The following GALNT13 variants were observed in gnomAD, a reference collection of about 807,000 sequenced individuals.
The protein encoded by GALNT13 is UDP-GalNAc:polypeptide N-acetylgalactosaminyltransferase 13.
GALNT13 carries 28 observed loss-of-function variants against 64.2 expected under a neutral mutation model. That is an observed-to-expected ratio of 0.44 (90% CI 0.32 to 0.60). The LOEUF is 0.60. GALNT13 is among the 20% of genes least tolerant of loss of function. The pLI, the probability that GALNT13 is intolerant of heterozygous loss-of-function variation, is 0.05. For synonymous variants in GALNT13, 214 were observed against 224.6 expected, an observed-to-expected ratio of 0.95 and a Z score of 0.42; for missense variants, 577 against 669.8, an observed-to-expected ratio of 0.86 and a Z score of 1.53.
At chr2:154,347,571 C>G (rs1448858547) in intron 9 of GALNT13, among the ~76,000 whole-genome samples, 1 of 152,084 alleles carries the variant, frequency 6.6e-6, no homozygotes, top group East Asian at 1.9e-4. Context: ...TGTCTTTGCT[C>G]ATAATATTGG....
At chr2:153,286,684 A>C in the GALNT13 span, among the ~76,000 whole-genome samples, 2 of 152,250 alleles carry the variant, frequency 1.3e-5, no homozygotes, top group African/African-American at 4.8e-5. Flanking sequence ...AAAAGCTTCA[A>C]AAATCGTGTT....
chr2:153,683,426 A>G, the GALNT13 span, among the ~76,000 whole-genome samples: 9 of 57,826 alleles, frequency 1.6e-4, no homozygotes, highest in Admixed American at 2.1e-3. Flanking sequence ...TGGTTTGCAT[A>G]TACGTAAATG....
At chr2:153,851,733 C>T in the GALNT13 span, among the ~76,000 whole-genome samples, 1 of 151,988 alleles carries the variant, frequency 6.6e-6, no homozygotes, top group Non-Finnish European at 1.5e-5. Context: ...AAGGAATCTA[C>T]ATCTATACAA....
intron 3 of GALNT13, among the ~76,000 whole-genome samples, chr2:154,025,188 C>A (rs1232216859): frequency 1.3e-5 from 2 of 152,164 alleles, no homozygotes; most frequent in African/African-American, 4.8e-5. Flanking sequence ...TCTCAAGCTG[C>A]ATGCTGGGAG....
chr2:153,815,757 T>G, the GALNT13 span, among the ~76,000 whole-genome samples: 1 of 152,196 alleles, frequency 6.6e-6, no homozygotes, highest in African/African-American at 2.4e-5. Flanking sequence ...TGTCATAATA[T>G]CTTGAGGAAA....
the GALNT13 span, among the ~76,000 whole-genome samples, chr2:153,154,296 C>T: frequency 6.6e-6 from 1 of 152,158 alleles, no homozygotes; most frequent in Admixed American, 6.5e-5. Context: ...CACATGCTGT[C>T]TTGCCTGCCA....
At chr2:153,126,294 T>TATATATATA in the GALNT13 span, among the ~76,000 whole-genome samples, 1 of 50,956 alleles carries the variant, frequency 2.0e-5, no homozygotes, top group Non-Finnish European at 3.9e-5. Flanking sequence ...AGTATTGATT[T>TATATATATA]TGTATATATA....
At chr2:153,245,930 A>C in the GALNT13 span, among the ~76,000 whole-genome samples, 2 of 152,090 alleles carry the variant, frequency 1.3e-5, no homozygotes, top group Non-Finnish European at 2.9e-5. Context: ...GCTAACTAGA[A>C]TACACAGTTT....
chr2:153,553,169 G>A, the GALNT13 span, among the ~76,000 whole-genome samples: 1 of 152,188 alleles, frequency 6.6e-6, no homozygotes, highest in African/African-American at 2.4e-5. Flanking sequence ...GAGTGGATAT[G>A]TTTATTGGTA....
intron 4 of GALNT13, among the ~76,000 whole-genome samples, chr2:154,178,471 C>T (rs1441836026): frequency 1.9e-4 from 29 of 151,560 alleles, no homozygotes; most frequent in Non-Finnish European, 1.5e-5. Flanking sequence ...TGTTAAATGA[C>T]GAGTTAATGG....
chr2:153,199,561 C>G, the GALNT13 span, among the ~76,000 whole-genome samples: 1 of 152,198 alleles, frequency 6.6e-6, no homozygotes. Context: ...TTGCTCTACT[C>G]CCAGGCCTCT....
chr2:153,173,104 T>C, the GALNT13 span: 1 of 152,180 alleles, frequency 6.6e-6, no homozygotes, highest in South Asian at 2.1e-4. Flanking sequence ...TCTATGTCTA[T>C]ATCTATATCT....
At chr2:153,923,962 C>G (rs897922509) in intron 2 of GALNT13, among the ~76,000 whole-genome samples, 2 of 151,886 alleles carry the variant, frequency 1.3e-5, no homozygotes, top group Non-Finnish European at 2.9e-5. Flanking sequence ...TGGGTTGGTT[C>G]CAAGTCTTTG....
chr2:153,361,010 T>TG, the GALNT13 span, among the ~76,000 whole-genome samples: 10 of 152,106 alleles, frequency 6.6e-5, no homozygotes, highest in Non-Finnish European at 5.9e-5. Context: ...GAGATCCCAG[T>TG]GGATGGAGCA....
At chr2:153,804,265 C>A in the GALNT13 span, among the ~76,000 whole-genome samples, 1 of 152,164 alleles carries the variant, frequency 6.6e-6, no homozygotes. Context: ...ACCTTCCTGG[C>A]TCGAGTGATC....
chr2:154,350,279 T>A (rs1696319639), intron 9 of GALNT13, among the ~76,000 whole-genome samples: 1 of 152,160 alleles, frequency 6.6e-6, no homozygotes, highest in Non-Finnish European at 1.5e-5. Flanking sequence ...CCATCCTCAA[T>A]ATGAGTGAGC....
At chr2:153,200,479 G>A in the GALNT13 span, among the ~76,000 whole-genome samples, 3 of 152,184 alleles carry the variant, frequency 2.0e-5, no homozygotes, top group African/African-American at 4.8e-5. Context: ...CCGGCCAGGG[G>A]CATGGGGCAG....
intron 4 of GALNT13, among the ~76,000 whole-genome samples, chr2:154,196,836 C>A (rs1686903741): frequency 6.6e-6 from 1 of 152,156 alleles, no homozygotes; most frequent in South Asian, 2.1e-4. Flanking sequence ...CATTTCATGA[C>A]CTCTTTGTTG....
At chr2:153,068,675 A>G in the GALNT13 span, among the ~76,000 whole-genome samples, 1 of 152,196 alleles carries the variant, frequency 6.6e-6, no homozygotes, top group African/African-American at 2.4e-5. Context: ...TTTACATATT[A>G]CTTCACCTTG....
Sources: gnomAD v4.1 joint callset for allele counts (sites outside exome capture counted in the v4.1 genomes callset) on GRCh38, gnomAD v4.1.1 for gene constraint, MANE v1.5 for transcripts, NCBI Gene and HGNC (gene_info 2026-07-23, HGNC 2026-07-21) for gene names.